The following VWF variants were observed in gnomAD, a reference collection of about 807,000 sequenced individuals.
VWF encodes von Willebrand factor, also known as Factor VIII related antigen.
In VWF, 176 loss-of-function variants were observed where a neutral mutation model predicts 308.6. That is an observed-to-expected ratio of 0.57 (90% CI 0.50 to 0.65). VWF has a LOEUF of 0.65. Ranked by LOEUF, VWF falls within the 30% of genes least tolerant of loss-of-function variation. The pLI, the probability that VWF is intolerant of heterozygous loss-of-function variation, is 0.00. For synonymous variants in VWF, 1,385 were observed against 1,443.4 expected (o/e 0.96, Z 0.92); for missense variants, 3,146 against 3,648.2 (o/e 0.86, Z 3.55).
At chr12:5,981,688 T>C (rs1314709685) in intron 42 of VWF, 98 bp downstream of exon 42, 8 of 1,325,834 alleles carry the variant, frequency 6.0e-6, no homozygotes, top group Non-Finnish European at 8.6e-6. Flanking sequence ...GATGGGTAGG[T>C]GGATGGATGA....
At chr12:6,055,761 T>TACACACACACACACACACACACACACAC (rs35414262) in intron 15 of VWF, among the ~76,000 whole-genome samples, 1 of 135,246 alleles carries the variant, frequency 7.4e-6, no homozygotes, top group African/African-American at 2.8e-5. Context: ...TATATATGTA[T>TACACACACACACACACACACACACACAC]ACACACACAC....
At chr12:6,038,990 A>G (rs572772444) in intron 18 of VWF, among the ~76,000 whole-genome samples, 1 of 152,296 alleles carries the variant, frequency 6.6e-6, no homozygotes, top group African/African-American at 2.4e-5. Flanking sequence ...ATAGGCCTGG[A>G]AATAAAGGGG....
At chr12:5,984,996 CT>C in intron 40 of VWF, 48 bp downstream of exon 40, 1 of 1,598,520 alleles carries the variant, frequency 6.3e-7, no homozygotes, top group Non-Finnish European at 8.6e-7. Context: ...GTGGTGCCCC[CT>C]GGGGCTAGGG....
chr12:6,023,538 A>G (rs1031582208), intron 25 of VWF, 93 bp downstream of exon 25: 3 of 1,547,204 alleles, frequency 1.9e-6, no homozygotes, highest in Non-Finnish European at 1.8e-6. Context: ...TCTCTCGCCC[A>G]TGAAGATATC....
intron 34 of VWF, among the ~76,000 whole-genome samples, chr12:5,999,471 T>C (rs866885178): frequency 5.6e-5 from 8 of 143,552 alleles, no homozygotes; most frequent in African/African-American, 1.6e-4. Context: ...TGTACACACA[T>C]ACACACACAC....
intron 6 of VWF, among the ~76,000 whole-genome samples, chr12:6,085,225 G>C (rs958634715): frequency 6.6e-6 from 1 of 152,346 alleles, no homozygotes; most frequent in African/African-American, 2.4e-5. Flanking sequence ...TCTGGGGATG[G>C]AAAGCAGCCC....
chr12:6,106,180 C>T (rs1320224618), intron 5 of VWF, among the ~76,000 whole-genome samples: 4 of 152,302 alleles, frequency 2.6e-5, no homozygotes, highest in African/African-American at 4.8e-5. Context: ...AAGCAAAGTA[C>T]GTACGGTCTG....
intron 50 of VWF, among the ~76,000 whole-genome samples, chr12:5,950,601 C>G (rs1304609646): frequency 6.6e-6 from 1 of 151,938 alleles, no homozygotes; most frequent in Admixed American, 6.6e-5. Flanking sequence ...AGTCTGCCTC[C>G]TAATTTCTAG....
Position 6,075,587 on chromosome 12 carries a change from G to C in VWF, c.658-36C>G, listed in dbSNP as rs367837310. On this transcript the variant is annotated intron_variant, in intron 6 of 51. Coordinates refer to ENST00000261405, the MANE Select transcript of VWF (RefSeq NM_000552.5). This position sits in a 1 kb window ranked among gnomAD's most constrained non-coding sequence, Gnocchi z 4.7. ...AGGGGCCGCCTCAGCGGTATGCTCC[G>C]TTAGTGTCTCCCTGAGTGTGGCACT... is the stretch of plus-strand genomic sequence containing the variant. The C allele has an allele frequency of 6.3e-7, 1 of 1,593,620 alleles. No homozygotes were observed. Among genetic ancestry groups the C allele is most frequent in the Middle Eastern group, 1.7e-4 (1 of 6,014 alleles).
In VWF at chr12:5,980,091, A is replaced by AAGG. The variant is rs1943582120; in HGVS notation, c.7287+1694_7287+1695insCCT. ...AAAGAAAGAAAGAAAGAAAAGAAAG[A>AAGG]AAGGAAGGAAGGAAGGAAGGAAGGA... On this transcript the variant is annotated intron_variant, in intron 42 of 51. Transcript: ENST00000261405. Among the ~76,000 whole-genome samples, 169 of 74,830 alleles carry AAGG rather than the reference A, an allele frequency of 2.3e-3. 2 individuals are homozygous for AAGG. Among genetic ancestry groups the AAGG allele is most frequent in the Non-Finnish European group, 2.6e-3 (109 of 42,212 alleles). 49.1% of individuals were successfully genotyped at this position (74,830 alleles called of 152,430 possible).
At position 6,024,275 on chromosome 12, in the gene VWF, T is replaced by C. The variant is rs570166732; in HGVS notation, c.3223-488A>G. Among the ~76,000 whole-genome samples, 7 of 152,332 alleles carry C rather than the reference T, an allele frequency of 4.6e-5. No individual in the cohort carries two copies. The highest frequency in any genetic ancestry group is 8.8e-5 in the Non-Finnish European group (6 of 68,028). On this transcript the variant is annotated intron_variant, in intron 24 of 51. Transcript: ENST00000261405. The surrounding 1 kb of genome is among the most constrained non-coding windows in gnomAD (Gnocchi z 4.0). ...GCTATGGGGCAGGTATGCAGGACAA[T>C]AGGGCCTAGACTCTGATTCCAAATC...
Position 6,057,871 on chromosome 12 carries a change from G to A in VWF, c.1707C>T (p.Pro569=), listed in dbSNP as rs1944606475. Residue 569 remains proline (P), a synonymous_variant, in exon 14 of 52, where the codon CCC becomes CCT. Coordinates refer to ENST00000261405, the MANE Select transcript of VWF (RefSeq NM_000552.5). ...CQDLQKQHSD[P]CALNPRMTRF... ...TACTCATGCGCGGGTTGAGGGCGCA[G>A]GGATCGCTGTGCTGCTTCTGCAGGT... is the stretch of plus-strand genomic sequence containing the variant. 1.2e-6 allele frequency: 2 copies of A among 1,610,278 alleles called. No individual in the cohort carries two copies. Among genetic ancestry groups the A allele is most frequent in the South Asian group, 2.2e-5 (2 of 90,786 alleles).
Position 6,057,989 on chromosome 12 carries a change from T to C in VWF, c.1589A>G (p.Asn530Ser), listed in dbSNP as rs1204708344. The C allele has an allele frequency of 4.3e-6, 7 of 1,613,552 alleles. No homozygotes were observed. The highest frequency in any genetic ancestry group is 5.9e-6 in the Non-Finnish European group (7 of 1,180,016). Residue 530 changes from asparagine to serine, a missense_variant, in exon 14 of 52, where the codon AAC becomes AGC. Physicochemically the swap from Asn to Ser is conservative, Grantham distance 46. Transcript: ENST00000261405. ...TCGLCGNYNG[N>S]QGDDFLTPSG... ...GGGGGTAAGGAAGTCGTCGCCCTGG[T>C]TGCCATTGTAATTCCCACACAGGCC...
rs1945098188 is a variant in VWF, at chr12:6,095,649, A to C, written c.533-65T>G. ...GCCTGTCCCAGAACTTCTGGGTGAA[A>C]ATTCTAGGTCTGCTGGTGGTTTTGT... On this transcript the variant is annotated intron_variant, in intron 5 of 51. Transcript: ENST00000261405. The C allele has an allele frequency of 2.5e-6, 4 of 1,610,818 alleles. No individual in the cohort carries two copies. In the South Asian group the frequency reaches 4.4e-5, roughly 18 times the overall value.
At position 6,049,883 on chromosome 12, in the gene VWF, T is replaced by C. The variant is rs1944489446; in HGVS notation, c.2186+2660A>G. ...GCCCTTTTTACTGGCCTTTGACCTT[T>C]GGCCTCTCTCATGCAATCCTCTTTT... On this transcript the variant is annotated intron_variant, in intron 16 of 51. Coordinates refer to ENST00000261405, the MANE Select transcript of VWF (RefSeq NM_000552.5). Among the ~76,000 whole-genome samples, 4 of 152,214 alleles carry C rather than the reference T, an allele frequency of 2.6e-5. No homozygotes were observed. In the South Asian group the frequency reaches 8.3e-4, roughly 32 times the overall value.
intron 47 of VWF, among the ~76,000 whole-genome samples, chr12:5,959,353 T>TA (rs1413509607): frequency 2.6e-5 from 4 of 152,094 alleles, no homozygotes; most frequent in African/African-American, 7.2e-5. Context: ...AAGGGAGAAA[T>TA]AGGCTAATCC....
intron 47 of VWF, among the ~76,000 whole-genome samples, chr12:5,957,141 T>C (rs978308422): frequency 4.6e-5 from 7 of 152,246 alleles, no homozygotes; most frequent in Admixed American, 2.0e-4. Flanking sequence ...TAACATGCCA[T>C]ACAGGTTTGT....
intron 22 of VWF, among the ~76,000 whole-genome samples, chr12:6,026,355 C>T (rs1165485630): frequency 6.6e-6 from 1 of 152,168 alleles, no homozygotes; most frequent in Admixed American, 6.5e-5. Flanking sequence ...CCTGAGATCA[C>T]TGGTGGGAAC....
chr12:5,967,675 G>A, intron 46 of VWF, 73 bp from the exon 47 acceptor site: 1 of 1,349,058 alleles, frequency 7.4e-7, no homozygotes, highest in East Asian at 2.3e-5. Flanking sequence ...CTCATACCCT[G>A]TCTCCTGCCC....
Sources: allele counts gnomAD v4.1 joint callset (sites outside exome capture counted in the v4.1 genomes callset), GRCh38; gene constraint gnomAD v4.1.1; non-coding constraint Gnocchi (gnomAD v3.1); transcripts MANE v1.5; gene names NCBI Gene and HGNC (gene_info 2026-07-23, HGNC 2026-07-21).